PCDH9: variants seen among roughly 807,000 people sequenced by gnomAD.
PCDH9 encodes the protein protocadherin 9.
PCDH9 carries 24 observed loss-of-function variants against 70.6 expected under a neutral mutation model. The observed-to-expected ratio is 0.34, with a 90% confidence interval of 0.25 to 0.48. The LOEUF (loss-of-function observed/expected upper bound fraction) is 0.48. Among genes scored for constraint, PCDH9 ranks in the 20% least tolerant of loss-of-function variants. The probability of loss-of-function intolerance (pLI) is 0.99; values close to 1 mark genes in which losing one functional copy is unlikely to be tolerated. For missense variants in PCDH9, 1,281 were observed against 1,503.6 expected, an observed-to-expected ratio of 0.85 and a Z score of 2.45; for synonymous variants, 562 against 558.5, an observed-to-expected ratio of 1.01 and a Z score of -0.09.
intron 2 of PCDH9, among the ~76,000 whole-genome samples, chr13:67,154,591 A>ATATAT (rs1342357485): frequency 1.1e-5 from 1 of 88,820 alleles, no homozygotes; most frequent in African/African-American, 4.6e-5. Context: ...AAAAAAAAAA[A>ATATAT]AAAAATATAT....
At chr13:67,084,169 A>G (rs1348693071) in intron 2 of PCDH9, among the ~76,000 whole-genome samples, 1 of 152,202 alleles carries the variant, frequency 6.6e-6, no homozygotes, top group African/African-American at 2.4e-5. Context: ...TAGTTCCTTT[A>G]TAGAAACTAA....
chr13:66,492,540 G>A (rs1435253642), intron 4 of PCDH9, among the ~76,000 whole-genome samples: 1 of 150,382 alleles, frequency 6.6e-6, no homozygotes, highest in Non-Finnish European at 1.5e-5. Context: ...TTCAATAAAG[G>A]AATGATGAAT....
chr13:67,218,799 T>C (rs1255683165), intron 2 of PCDH9: 1 of 152,004 alleles, frequency 6.6e-6, no homozygotes, highest in Non-Finnish European at 1.5e-5. Context: ...TATAAAATGA[T>C]AGAATCAATC....
intron 3 of PCDH9, among the ~76,000 whole-genome samples, chr13:66,712,596 G>A (rs1181692798): frequency 6.6e-6 from 1 of 152,102 alleles, no homozygotes; most frequent in Non-Finnish European, 1.5e-5. Flanking sequence ...ATTAGGCAAT[G>A]CCAAGCTTCA....
At chr13:67,168,213 T>C (rs570522434) in intron 2 of PCDH9, among the ~76,000 whole-genome samples, 5 of 152,336 alleles carry the variant, frequency 3.3e-5, no homozygotes, top group Admixed American at 2.0e-4. Flanking sequence ...TCTTCTAATG[T>C]AAGATATCTG....
chr13:66,409,523 T>C (rs1022120310), intron 4 of PCDH9, among the ~76,000 whole-genome samples: 4 of 152,092 alleles, frequency 2.6e-5, no homozygotes, highest in African/African-American at 9.7e-5. Flanking sequence ...TTTCTACATC[T>C]GAACATTATT....
intron 4 of PCDH9, among the ~76,000 whole-genome samples, chr13:66,450,800 G>C (rs1264423153): frequency 6.6e-6 from 1 of 152,172 alleles, no homozygotes; most frequent in African/African-American, 2.4e-5. Flanking sequence ...CAGATCACGA[G>C]GTCAGGAGAT....
chr13:66,439,854 G>T (rs1957941805), intron 4 of PCDH9, among the ~76,000 whole-genome samples: 3 of 152,072 alleles, frequency 2.0e-5, no homozygotes, highest in Non-Finnish European at 4.4e-5. Context: ...TAAACTAGTT[G>T]CCACAGCACC....
At chr13:67,224,979 A>G in intron 2 of PCDH9, 1 of 1,020,558 alleles carries the variant, frequency 9.8e-7, no homozygotes, top group Non-Finnish European at 1.2e-6. Flanking sequence ...ACATAATTGC[A>G]GTCACACCTT....
At chr13:66,359,844 A>G (rs969258069) in intron 4 of PCDH9, among the ~76,000 whole-genome samples, 5 of 152,084 alleles carry the variant, frequency 3.3e-5, no homozygotes, top group Non-Finnish European at 5.9e-5. Context: ...AGAAATCTCT[A>G]TTATTTCTGC....
At chr13:66,981,313 C>T (rs1227863750) in intron 2 of PCDH9, among the ~76,000 whole-genome samples, 2 of 151,748 alleles carry the variant, frequency 1.3e-5, no homozygotes, top group African/African-American at 4.8e-5. Context: ...TGGCAGGAGC[C>T]TGTAGTCCCA....
chr13:67,228,555 T>C lies in PCDH9; in HGVS notation c.-115A>G, dbSNP rs1183442808. ...GGACTGGAGGATGCATTATATCTCATCACTTATTTGGAGACAGCCGCTGTC... is the reference window on the plus strand; with the variant it reads ...GGACTGGAGGATGCATTATATCTCACCACTTATTTGGAGACAGCCGCTGTC... On this transcript the variant is annotated 5_prime_UTR_variant, in exon 2 of 5. It removes an upstream start codon present in the reference 5' UTR. Transcript: ENST00000377865. 1.3e-6 allele frequency: 1 copy of C among 781,396 alleles called. No homozygotes were observed. Among genetic ancestry groups the C allele is most frequent in the African/African-American group, 1.8e-5 (1 of 56,390 alleles). The allele number at this position is 781,396 out of a possible 1,614,324, so 48.4% of individuals were successfully genotyped here. A position where few individuals can be genotyped will look rare whatever the true frequency, so the allele number is the denominator to read the frequency against.
Position 66,315,423 on chromosome 13 carries a change from C to T in PCDH9, c.3341-10395G>A, listed in dbSNP as rs113931734. 7.4e-3 allele frequency among the ~76,000 whole-genome samples: 1,125 copies of T among 152,174 alleles called. 10 individuals are homozygous for T. The highest frequency in any genetic ancestry group is 0.025 in the African/African-American group (1,051 of 41,516). On this transcript the variant is annotated intron_variant, in intron 4 of 4. Transcript: ENST00000377865. ...TTTACTCAAATCACATAACCAAGCA[C>T]GTAGCAAGTCCTTTCATCTACCAGC...
At chr13:66,621,178 A>C (rs1197233364) in intron 4 of PCDH9, among the ~76,000 whole-genome samples, 1 of 152,220 alleles carries the variant, frequency 6.6e-6, no homozygotes, top group East Asian at 1.9e-4. Context: ...GCAAGACATG[A>C]GGCTTGCTTC....
chr13:66,500,750 G>A (rs1417741861), intron 4 of PCDH9, among the ~76,000 whole-genome samples: 1 of 151,824 alleles, frequency 6.6e-6, no homozygotes, highest in African/African-American at 2.4e-5. Context: ...TTTCCTATAT[G>A]TTTCCTACTG....
At chr13:66,658,381 A>G (rs2139009329) in intron 3 of PCDH9, among the ~76,000 whole-genome samples, 1 of 152,266 alleles carries the variant, frequency 6.6e-6, no homozygotes, top group Admixed American at 6.5e-5. Flanking sequence ...TGTCTGTTCC[A>G]GTCTATTGCT....
intron 2 of PCDH9, among the ~76,000 whole-genome samples, chr13:67,184,634 G>A (rs551394937): frequency 6.6e-6 from 1 of 152,280 alleles, no homozygotes; most frequent in South Asian, 2.1e-4. Flanking sequence ...GGGGGGCTGA[G>A]GCAGGAGGAT....
intron 2 of PCDH9, among the ~76,000 whole-genome samples, chr13:66,966,462 T>C (rs1490676316): frequency 3.3e-5 from 5 of 152,112 alleles, no homozygotes; most frequent in Admixed American, 2.0e-4. Flanking sequence ...TCTGTAATGA[T>C]AGACCCTCAG....
intron 4 of PCDH9, among the ~76,000 whole-genome samples, chr13:66,531,041 C>A (rs1423237873): frequency 6.6e-6 from 1 of 151,244 alleles, no homozygotes; most frequent in African/African-American, 2.4e-5. Context: ...TGCTGCAGTG[C>A]CTTAAGAAAA....
Sources: gnomAD v4.1 joint callset for allele counts (sites outside exome capture counted in the v4.1 genomes callset) on GRCh38, gnomAD v4.1.1 for gene constraint, MANE v1.5 for transcripts, NCBI Gene and HGNC (gene_info 2026-07-23, HGNC 2026-07-21) for gene names.